Variants in DPY19L3 observed in about 807,000 individuals in gnomAD.
The protein encoded by DPY19L3 is protein C-mannosyl-transferase DPY19L3.
Under a neutral mutation model 92.3 loss-of-function variants are expected in DPY19L3, and 51 were observed. That is an observed-to-expected ratio of 0.55 (90% confidence interval 0.44 to 0.70). The LOEUF (loss-of-function observed/expected upper bound fraction) is 0.70. Ranked by LOEUF, DPY19L3 falls within the 30% of genes least tolerant of loss-of-function variation. The probability of loss-of-function intolerance (pLI) is 0.00; values close to 1 mark genes in which losing one functional copy is unlikely to be tolerated. For synonymous variants in DPY19L3, 309 were observed against 315.2 expected (o/e 0.98, Z 0.21); for missense variants, 706 against 855.9 (o/e 0.82, Z 2.18).
At chr19:32,436,347 A>T in intron 4 of DPY19L3, 99 bp from the exon 5 acceptor site, 1 of 895,822 alleles carries the variant, frequency 1.1e-6, no homozygotes, top group Non-Finnish European at 1.5e-6. Context: ...AATGCCTACC[A>T]CAGTCTCTAG....
chr19:32,458,508 A>C lies in DPY19L3; in HGVS notation c.1321A>C (p.Ser441Arg), dbSNP rs1158589766. ...ATTCGTTGTTGCCTTTCATAATCTC[A>C]GGTATGGTATATTTCAGAAATCTAA... ...VAFVVAFHNL[S>R]DSTNQQSVGK... Residue 441 changes from serine (S) to arginine (R), a missense_variant and splice_region_variant, in exon 12 of 19, where the codon AGT becomes CGT. Coordinates refer to ENST00000392250, the MANE Select transcript of DPY19L3 (RefSeq NM_001172774.2). 1 of 1,606,236 alleles carries C rather than the reference A, an allele frequency of 6.2e-7. No homozygotes were observed. Among genetic ancestry groups the C allele is most frequent in the African/African-American group, 1.3e-5 (1 of 74,494 alleles).
At chr19:32,480,095 G>C (rs1193325954) in intron 17 of DPY19L3, among the ~76,000 whole-genome samples, 1 of 152,118 alleles carries the variant, frequency 6.6e-6, no homozygotes, top group East Asian at 1.9e-4. Flanking sequence ...ATTTACCTTG[G>C]GAAAGCAGTC....
At chr19:32,436,191 TGTG>T (rs369703625) in intron 4 of DPY19L3, among the ~76,000 whole-genome samples, 5 of 152,092 alleles carry the variant, frequency 3.3e-5, no homozygotes, top group Non-Finnish European at 5.9e-5. Flanking sequence ...AGAAGGACCT[TGTG>T]GTGGTGGTGG....
intron 1 of DPY19L3, among the ~76,000 whole-genome samples, chr19:32,407,950 G>A (rs905198031): frequency 6.6e-6 from 1 of 152,044 alleles, no homozygotes; most frequent in Non-Finnish European, 1.5e-5. Context: ...TTAGCCAGGT[G>A]TAGTAGCACA....
intron 18 of DPY19L3, 30 bp downstream of exon 18, chr19:32,480,587 G>A: frequency 1.3e-6 from 2 of 1,597,268 alleles, no homozygotes; most frequent in Non-Finnish European, 8.5e-7. Context: ...CTGTGTGGGG[G>A]TCTCCTGGAG....
Position 32,439,127 on chromosome 19 carries a change from A to T in DPY19L3, c.612A>T (p.Arg204Ser). ...WYVTNRIDTT[R>S]VEFTIPLREN... ...TTTTGTGCAGAATAGATACCACAAG[A>T]GTTGAGTTTACCATCCCACTGAGGG... The change falls in exon 7 of 19, where the codon AGA (arginine) becomes AGT (serine). Residue 204 changes from arginine to serine, a missense_variant. Physicochemically the swap from Arg to Ser is moderately radical, Grantham distance 110. Transcript: ENST00000392250. The T allele has an allele frequency of 6.2e-7, 1 of 1,613,162 alleles. No individual in the cohort carries two copies. The highest frequency in any genetic ancestry group is 8.5e-7 in the Non-Finnish European group (1 of 1,179,372).
Position 32,484,636 on chromosome 19 carries a change from A to C in DPY19L3, c.*2396A>C, listed in dbSNP as rs1347493381. 6 of 152,172 alleles carry C rather than the reference A, an allele frequency of 3.9e-5. No homozygotes were observed. The highest frequency in any genetic ancestry group is 2.9e-5 in the Non-Finnish European group (2 of 68,080). 9.4% of individuals were successfully genotyped at this position (152,172 alleles called of 1,614,324 possible). On this transcript the variant is annotated 3_prime_UTR_variant, in exon 19 of 19. Transcript: ENST00000392250. The stretch of plus-strand genomic sequence containing the variant: ...GCCCCGGAGTCTCCATCTCTCTCGT[A>C]AGCCACCTGCCACAGCACAGCTGGA...
At chr19:32,441,397 A>G (rs1969317628) in intron 8 of DPY19L3, among the ~76,000 whole-genome samples, 1 of 152,180 alleles carries the variant, frequency 6.6e-6, no homozygotes, top group African/African-American at 2.4e-5. Flanking sequence ...GGAAAAATAC[A>G]CAGTAAAGTA....
chr19:32,447,775 A>ATTGATT (rs1568343916), intron 8 of DPY19L3, among the ~76,000 whole-genome samples: 9 of 126,942 alleles, frequency 7.1e-5, no homozygotes, highest in African/African-American at 2.8e-4. Flanking sequence ...ATAGATAGAT[A>ATTGATT]GATTAGATAA....
intron 17 of DPY19L3, among the ~76,000 whole-genome samples, chr19:32,479,358 G>A (rs987624458): frequency 6.6e-6 from 1 of 152,026 alleles, no homozygotes; most frequent in Admixed American, 6.5e-5. Context: ...GAAAAGACAG[G>A]TCGAGTGCAC....
At chr19:32,429,980 C>G (rs570748405) in intron 3 of DPY19L3, among the ~76,000 whole-genome samples, 1 of 152,166 alleles carries the variant, frequency 6.6e-6, no homozygotes, top group African/African-American at 2.4e-5. Flanking sequence ...AAGTAACTAC[C>G]CAGAAGAGTT....
chr19:32,451,762 A>G (rs1302228713), intron 8 of DPY19L3, among the ~76,000 whole-genome samples: 4 of 152,126 alleles, frequency 2.6e-5, no homozygotes, highest in South Asian at 2.1e-4. Context: ...GTATCAACCT[A>G]TCAATAAGTT....
chr19:32,409,092 T>C (rs1234866057), intron 2 of DPY19L3, among the ~76,000 whole-genome samples: 1 of 152,200 alleles, frequency 6.6e-6, no homozygotes, highest in African/African-American at 2.4e-5. Flanking sequence ...AAGTAATCTG[T>C]AATGGGAGGT....
At chr19:32,408,996 A>G (rs1409871749) in intron 2 of DPY19L3, among the ~76,000 whole-genome samples, 3 of 152,168 alleles carry the variant, frequency 2.0e-5, no homozygotes, top group Admixed American at 6.5e-5. Context: ...ACCATTTTGG[A>G]TATCTGACAG....
At chr19:32,474,502 G>C (rs542761032) in intron 16 of DPY19L3, among the ~76,000 whole-genome samples, 1 of 152,322 alleles carries the variant, frequency 6.6e-6, no homozygotes, top group East Asian at 1.9e-4. Flanking sequence ...AAGGCTTGCA[G>C]TAAGCATTAG....
chr19:32,470,520 A>G (rs1970324764), intron 16 of DPY19L3, among the ~76,000 whole-genome samples: 1 of 152,208 alleles, frequency 6.6e-6, no homozygotes, highest in Admixed American at 6.5e-5. Flanking sequence ...AATGTATTCT[A>G]GCAGAGCCCC....
rs148726757 is a variant in DPY19L3 at position 32,417,394 on chromosome 19, A to G, written c.237+6022A>G. Among the ~76,000 whole-genome samples the G allele has an allele frequency of 3.5e-3, 538 of 152,340 alleles. 7 individuals carry two copies. Among genetic ancestry groups the G allele is most frequent in the African/African-American group, 0.012 (511 of 41,580 alleles). On this transcript the variant is annotated intron_variant, in intron 3 of 18. Coordinates refer to ENST00000392250, the MANE Select transcript of DPY19L3 (RefSeq NM_001172774.2). ...GAGTGCAGTGGCACGATCTCAGCTC[A>G]CTGCAGCCTCCGCCTCCTGAGTTCA... is the stretch of plus-strand genomic sequence containing the variant.
intron 2 of DPY19L3, 39 bp from the exon 3 acceptor site, chr19:32,411,200 T>C: frequency 1.3e-6 from 2 of 1,580,708 alleles, no homozygotes; most frequent in South Asian, 2.3e-5. Context: ...CTGATTTTTT[T>C]ACTGACTTAG....
Position 32,429,005 on chromosome 19 carries a change from G to A in DPY19L3, c.238-3711G>A, listed in dbSNP as rs527684313. ...TGGGATTACAGGCGCCTGCCACCGC[G>A]CTTGGCTAATTTTTTGTATTTTTAG... On this transcript the variant is annotated intron_variant, in intron 3 of 18. Coordinates refer to ENST00000392250, the MANE Select transcript of DPY19L3 (RefSeq NM_001172774.2). Among the ~76,000 whole-genome samples, 47 of 151,840 alleles carry A rather than the reference G, an allele frequency of 3.1e-4. No homozygotes were observed. In the South Asian group the frequency reaches 7.3e-3, roughly 24 times the overall value.
Sources: gnomAD v4.1 joint callset for allele counts (sites outside exome capture counted in the v4.1 genomes callset) on GRCh38, gnomAD v4.1.1 for gene constraint, MANE v1.5 for transcripts, NCBI Gene and HGNC (gene_info 2026-07-23, HGNC 2026-07-21) for gene names.